The following CBR4 variants were observed in gnomAD, a reference collection of about 807,000 sequenced individuals.
CBR4 encodes the protein carbonyl reductase 4.
Under a neutral mutation model 21.0 loss-of-function variants are expected in CBR4, and 22 were observed. The ratio of observed to expected loss-of-function variants is 1.05; its 90% CI spans 0.75 to 1.50. The LOEUF (loss-of-function observed/expected upper bound fraction) is 1.50, where lower values mean the gene tolerates loss of function less well. Among genes scored for constraint, CBR4 ranks in the 40% most tolerant of loss-of-function variants. CBR4 has a pLI of 0.00. For synonymous variants in CBR4, 100 were observed against 104.4 expected (o/e 0.96, Z 0.26); for missense variants, 302 against 286.3 (o/e 1.05, Z -0.40).
At chr4:168,975,815 C>T (rs1349435296) in intron 2 of CBR4, among the ~76,000 whole-genome samples, 2 of 152,066 alleles carry the variant, frequency 1.3e-5, no homozygotes. Context: ...AAGTTATGTT[C>T]CCAGGGGGAT....
chr4:169,004,495 T>C (rs190755060), intron 3 of CBR4, among the ~76,000 whole-genome samples: 71 of 152,372 alleles, frequency 4.7e-4, no homozygotes, highest in African/African-American at 1.6e-3. Context: ...TATTGCTTTA[T>C]CAACTAAGTT....
At chr4:169,008,315 C>CGG (rs200318511) in intron 1 of CBR4, among the ~76,000 whole-genome samples, 1 of 151,464 alleles carries the variant, frequency 6.6e-6, no homozygotes, top group Admixed American at 6.6e-5. Context: ...CTACAAACCA[C>CGG]GGGGGGAAAA....
At chr4:168,984,428 T>A (rs1438450500), downstream of CBR4, among the ~76,000 whole-genome samples, 2 of 151,486 alleles carry the variant, frequency 1.3e-5, no homozygotes, top group African/African-American at 2.4e-5. Context: ...GAAAAAAAAA[T>A]ATTCTATGCT....
Position 168,991,521 on chromosome 4 carries a change from T to C in CBR4, c.536-1193A>G, listed in dbSNP as rs376827428. Among the ~76,000 whole-genome samples the C allele has an allele frequency of 1.2e-4, 19 of 152,298 alleles. No homozygotes were observed. In the East Asian group the frequency reaches 2.1e-3, roughly 17 times the overall value. On this transcript the variant is annotated intron_variant, in intron 4 of 4. Coordinates refer to ENST00000306193, the MANE Select transcript of CBR4 (RefSeq NM_032783.5). ...TATCCAATTCTGATACAAGTAAACATAGAAAATTCAAATTCAGTAAAGCCT... is the reference window on the plus strand; with the variant it reads ...TATCCAATTCTGATACAAGTAAACACAGAAAATTCAAATTCAGTAAAGCCT...
In CBR4 at chr4:168,916,031, A is replaced by C. The variant is rs745655806; in HGVS notation, n.170-21266T>G. 6.2e-7 allele frequency: 1 copy of C among 1,613,124 alleles called. No individual in the cohort carries two copies. Among genetic ancestry groups the C allele is most frequent in the Non-Finnish European group, 8.5e-7 (1 of 1,179,532 alleles). ...ACTCTGCAGAATGGACTGCAAAGTAAGATTTTGTTATTGCTTGCATATCCT... is the reference window on the plus strand; with the variant it reads ...ACTCTGCAGAATGGACTGCAAAGTACGATTTTGTTATTGCTTGCATATCCT... On this transcript the variant is annotated intron_variant and non_coding_transcript_variant, in intron 2 of 3. Transcript: ENST00000509108.
intron 2 of CBR4, among the ~76,000 whole-genome samples, chr4:168,959,202 A>T (rs1763772536): frequency 6.6e-6 from 1 of 152,142 alleles, no homozygotes; most frequent in Non-Finnish European, 1.5e-5. Flanking sequence ...ATTAAAATTA[A>T]TTTTTTTGTA....
chr4:168,979,740 GC>G (rs1301282054), intron 2 of CBR4, among the ~76,000 whole-genome samples: 3 of 152,032 alleles, frequency 2.0e-5, no homozygotes, highest in Non-Finnish European at 2.9e-5. Flanking sequence ...CAGAGCAGCT[GC>G]CCCACCCCCA....
rs569677419 is a variant in CBR4 at position 168,974,920 on chromosome 4, C to T, written n.169+27151G>A. Among the ~76,000 whole-genome samples, 8 of 151,962 alleles carry T rather than the reference C, an allele frequency of 5.3e-5. 1 individual carries two copies. In the East Asian group the frequency reaches 1.2e-3, roughly 22 times the overall value. ...TTTTCTGGCAATTCAGAGATTTATT[C>T]TTGGTTTGGATCCATTGCTGGAGAG... On this transcript the variant is annotated intron_variant and non_coding_transcript_variant, in intron 2 of 3. Transcript: ENST00000509108.
rs573727464 is a variant in CBR4 at position 168,936,278 on chromosome 4, G to A, written n.170-41513C>T. On this transcript the variant is annotated intron_variant and non_coding_transcript_variant, in intron 2 of 3. Coordinates refer to the CBR4 transcript ENST00000509108. ...GTCCACACCAAAACCCCATTTGAAA[G>A]TCACCAACATCAAATACCAAAGGTA... Among the ~76,000 whole-genome samples the A allele has an allele frequency of 2.0e-5, 3 of 152,308 alleles. No individual in the cohort carries two copies. In the East Asian group the frequency reaches 5.8e-4, roughly 29 times the overall value.
intron 2 of CBR4, among the ~76,000 whole-genome samples, chr4:168,920,752 T>A (rs1254508207): frequency 1.3e-5 from 2 of 152,236 alleles, no homozygotes; most frequent in East Asian, 3.8e-4. Flanking sequence ...CTCTTGTTAT[T>A]CAGTTTCAAG....
At chr4:168,904,001 GT>G (rs768393187) in intron 2 of CBR4, 3 of 1,228,026 alleles carry the variant, frequency 2.4e-6, no homozygotes, top group Non-Finnish European at 3.6e-6. Flanking sequence ...AAGTTAAGAA[GT>G]TTCTTTGATT....
intron 2 of CBR4, among the ~76,000 whole-genome samples, chr4:168,954,045 T>C (rs1245102655): frequency 6.6e-6 from 1 of 151,810 alleles, no homozygotes; most frequent in Admixed American, 6.6e-5. Flanking sequence ...TCCCAGAAAG[T>C]AGGACCAAAA....
chr4:168,988,180 G>A lies in CBR4; in HGVS notation c.*1970C>T. 1.0e-6 allele frequency: 1 copy of A among 985,366 alleles called. No homozygotes were observed. The highest frequency in any genetic ancestry group is 1.2e-6 in the Non-Finnish European group (1 of 829,862). 61.0% of individuals were successfully genotyped at this position (985,366 alleles called of 1,614,324 possible). A position where few individuals can be genotyped will look rare whatever the true frequency, so the allele number is the denominator to read the frequency against. On this transcript the variant is annotated 3_prime_UTR_variant, in exon 5 of 5. Transcript: ENST00000306193. ...ATTACAAATTCTACTAGGTCAGTGGGAGTGGGCGGATTCACCTGGAGTGGA... is the reference window on the plus strand; with the variant it reads ...ATTACAAATTCTACTAGGTCAGTGGAAGTGGGCGGATTCACCTGGAGTGGA...
chr4:168,939,185 A>G (rs1763193045), intron 2 of CBR4, among the ~76,000 whole-genome samples: 1 of 152,214 alleles, frequency 6.6e-6, no homozygotes, highest in African/African-American at 2.4e-5. Context: ...AAACAGAATC[A>G]ATGACAAAAA....
chr4:168,957,082 A>G (rs1763709848), intron 2 of CBR4, among the ~76,000 whole-genome samples: 1 of 152,174 alleles, frequency 6.6e-6, no homozygotes, highest in South Asian at 2.1e-4. Context: ...TGCGTCAGCT[A>G]AAGTGATTTA....
intron 2 of CBR4, chr4:168,903,627 G>T: frequency 1.4e-6 from 1 of 737,466 alleles, no homozygotes; most frequent in South Asian, 1.5e-5. Flanking sequence ...CCTTAGTCAG[G>T]TATTTGGTTT....
chr4:168,951,246 A>C (rs1184487804), intron 2 of CBR4, among the ~76,000 whole-genome samples: 1 of 151,968 alleles, frequency 6.6e-6, no homozygotes, highest in South Asian at 2.1e-4. Context: ...TTTAGTACAG[A>C]TGGGGTTTCA....
chr4:168,905,056 T>C (rs1191117731), intron 2 of CBR4, among the ~76,000 whole-genome samples: 1 of 151,324 alleles, frequency 6.6e-6, no homozygotes, highest in African/African-American at 2.4e-5. Context: ...GAACCTGGGA[T>C]GCGGAGGTTT....
chr4:169,007,666 T>C lies in CBR4; in HGVS notation c.233A>G (p.Asn78Ser). ...AATACCAGCTGCATTTACCAAGAAA[T>C]TTACTCGACCTAAATGTTTCTCCAG... ...EELEKHLGRV[N>S]FLVNAAGINR... The change falls in exon 2 of 5, where the codon AAT becomes AGT. Residue 78 changes from asparagine to serine, a missense_variant. By Grantham distance (46) the Asn-to-Ser change is conservative. Transcript: ENST00000306193. 1.3e-6 allele frequency: 2 copies of C among 1,587,282 alleles called. No individual in the cohort carries two copies. Among genetic ancestry groups the C allele is most frequent in the African/African-American group, 1.4e-5 (1 of 74,018 alleles).
Sources: allele counts gnomAD v4.1 joint callset (sites outside exome capture counted in the v4.1 genomes callset), GRCh38; gene constraint gnomAD v4.1.1; transcripts MANE v1.5; gene names NCBI Gene and HGNC (gene_info 2026-07-23, HGNC 2026-07-21).